Variants in IBA57 observed in about 807,000 individuals in gnomAD.
The protein encoded by IBA57 is iron-sulfur cluster assembly factor IBA57, also known as iron-sulfur cluster assembly factor IBA57, mitochondrial.
Under a neutral mutation model 20.4 loss-of-function variants are expected in IBA57, and 20 were observed. That is an observed-to-expected ratio of 0.98 (90% CI 0.69 to 1.42). The LOEUF is 1.42. Ranked by LOEUF, IBA57 falls within the 40% of genes most tolerant of loss-of-function variation. The pLI is 0.00. For missense variants in IBA57, 608 were observed against 499.3 expected, an observed-to-expected ratio of 1.22 and a Z score of -2.07; for synonymous variants, 310 against 233.9, an observed-to-expected ratio of 1.33 and a Z score of -2.97.
intron 1 of IBA57, among the ~76,000 whole-genome samples, chr1:228,166,528 G>A (rs891619514): frequency 6.6e-6 from 1 of 152,156 alleles, no homozygotes; most frequent in East Asian, 1.9e-4. Context: ...CACCTCCCAA[G>A]TGGGCCATCT....
rs1292721293 is a variant in IBA57, at chr1:228,174,897, G to T, written c.547G>T (p.Ala183Ser). Residue 183 changes from alanine to serine, a missense_variant, in exon 2 of 3, where the codon GCC becomes TCC. Physicochemically the swap from Ala to Ser is moderately conservative, Grantham distance 99 (BLOSUM62 1). Transcript: ENST00000366711. ...GCTGCAGGAGAGGGCAGGGGCTGCC[G>T]CCATCCTCATCCGCGACCCGCGAAC... ...ASLQERAGAA[A>S]ILIRDPRTAR... 2 of 1,603,610 alleles carry T rather than the reference G, an allele frequency of 1.2e-6. No homozygotes were observed. The highest frequency in any genetic ancestry group is 1.7e-6 in the Non-Finnish European group (2 of 1,175,218).
Position 228,174,815 on chromosome 1 carries a change from G to A in IBA57, c.465G>A (p.Pro155=). The A allele has an allele frequency of 5.0e-6, 8 of 1,610,526 alleles. No individual in the cohort carries two copies. Among genetic ancestry groups the A allele is most frequent in the South Asian group, 1.1e-5 (1 of 90,766 alleles). The change falls in exon 2 of 3, where the codon CCG becomes CCA. Residue 155 remains proline, a synonymous_variant. Coordinates refer to ENST00000366711, the MANE Select transcript of IBA57 (RefSeq NM_001010867.4). ...GGAAGGTCACGGTGGAGCCGCACCC[G>A]GAGCTGCGAGTGTGGGCGGTGTTGC... The part of the protein sequence containing the change: ...IRRKVTVEPH[P]ELRVWAVLPS...
rs117530284 is a variant in IBA57, at chr1:228,176,631, G to T, written c.*1118G>T. 1 of 152,430 alleles carries T rather than the reference G, an allele frequency of 6.6e-6. No homozygotes were observed. Among genetic ancestry groups the T allele is most frequent in the South Asian group, 2.1e-4 (1 of 4,834 alleles). The allele number at this position is 152,430 out of a possible 1,614,324, so 9.4% of individuals were successfully genotyped here. On this transcript the variant is annotated 3_prime_UTR_variant, in exon 3 of 3. Transcript: ENST00000366711. ...GGCTGCAGGGCGCAGGGCCTGGGGG[G>T]CAGGCGTTTGGGCCACCAAGCTGGA... is the stretch of plus-strand genomic sequence containing the variant.
In IBA57 at chr1:228,176,905, A is replaced by G. The variant is rs34686501; in HGVS notation, c.*1392A>G. The stretch of plus-strand genomic sequence containing the variant: ...CTCACCCGCTGCAGTCAGCTCTCCT[A>G]TGGGCAAGGAAACAGCTAGGTGGCC... On this transcript the variant is annotated 3_prime_UTR_variant, in exon 3 of 3. Coordinates refer to ENST00000366711, the MANE Select transcript of IBA57 (RefSeq NM_001010867.4). The G allele has an allele frequency of 7.9e-3, 1,207 of 152,622 alleles. 9 individuals are homozygous for G. Among genetic ancestry groups the G allele is most frequent in the Non-Finnish European group, 0.013 (873 of 68,260 alleles). The allele number at this position is 152,622 out of a possible 1,614,324, so 9.5% of individuals were successfully genotyped here.
At position 228,175,267 on chromosome 1, in the gene IBA57, C is replaced by T. The variant is rs144270250; in HGVS notation, c.825C>T (p.Ile275=). The T allele has an allele frequency of 2.0e-5, 33 of 1,612,766 alleles. No homozygotes were observed. The highest frequency in any genetic ancestry group is 2.5e-5 in the Non-Finnish European group (30 of 1,179,994). ...LTARTHHMGV[I]RKRLFPVRFL... is the part of the protein sequence containing the mutation. ...CCCGCACCCACCACATGGGCGTCATCCGCAAGCGCCTCTTCCCTGTCCGGT... is the reference window on the plus strand; with the variant it reads ...CCCGCACCCACCACATGGGCGTCATTCGCAAGCGCCTCTTCCCTGTCCGGT... The change falls in exon 3 of 3, where the codon ATC becomes ATT. Residue 275 remains isoleucine, a synonymous_variant. Transcript: ENST00000366711.
In IBA57 at chr1:228,175,288, C is replaced by T. The variant is rs1446349027; in HGVS notation, c.846C>T (p.Val282=). The T allele has an allele frequency of 1.2e-6, 2 of 1,612,740 alleles. No homozygotes were observed. The highest frequency in any genetic ancestry group is 2.7e-5 in the African/African-American group (2 of 74,892). The change falls in exon 3 of 3, where the codon GTC becomes GTT. Residue 282 remains valine, a synonymous_variant. Coordinates refer to ENST00000366711, the MANE Select transcript of IBA57 (RefSeq NM_001010867.4). ...TCATCCGCAAGCGCCTCTTCCCTGTCCGGTTCTTGGACCCCCTTCCCACCA... is the reference window on the plus strand; with the variant it reads ...TCATCCGCAAGCGCCTCTTCCCTGTTCGGTTCTTGGACCCCCTTCCCACCA... ...MGVIRKRLFP[V]RFLDPLPTSG...
chr1:228,175,361 G>A lies in IBA57; in HGVS notation c.919G>A (p.Val307Met). Residue 307 changes from valine (V) to methionine (M), a missense_variant, in exon 3 of 3, where the codon GTG becomes ATG. Coordinates refer to ENST00000366711, the MANE Select transcript of IBA57 (RefSeq NM_001010867.4). The part of the protein sequence containing the change: ...ATVLTASGQT[V>M]GKFRAGQGNV... ...GGTGCTGACTGCCTCAGGACAGACTGTGGGCAAGTTCAGGGCTGGCCAGGG... is the reference window on the plus strand; with the variant it reads ...GGTGCTGACTGCCTCAGGACAGACTATGGGCAAGTTCAGGGCTGGCCAGGG... 6.2e-7 allele frequency: 1 copy of A among 1,613,048 alleles called. No individual in the cohort carries two copies. Among genetic ancestry groups the A allele is most frequent in the Non-Finnish European group, 8.5e-7 (1 of 1,180,000 alleles).
Position 228,174,677 on chromosome 1 carries a change from CCT to C in IBA57, c.342-9_342-8del, listed in dbSNP as rs1558125944. ...GTTGGTGAGCTGCCATGCGCCCCTG[CCT>C]CTCTCCCTGCAGGCTCCAGGAACAC... is the stretch of plus-strand genomic sequence containing the variant. On this transcript the variant is annotated splice_polypyrimidine_tract_variant and intron_variant, in intron 1 of 2. Transcript: ENST00000366711. The C allele has an allele frequency of 2.0e-6, 3 of 1,523,978 alleles. No homozygotes were observed. In the Admixed American group the frequency reaches 5.8e-5, roughly 30 times the overall value. 94.4% of individuals were successfully genotyped at this position (1,523,978 alleles called of 1,614,324 possible).
rs183227230 is a variant in IBA57, at chr1:228,179,496, A to T, written c.*3983A>T. The T allele has an allele frequency of 7.2e-5, 11 of 152,354 alleles. No homozygotes were observed. The East Asian group carries it at 1.9e-3, about 27-fold the overall frequency. The allele number at this position is 152,354 out of a possible 1,614,324, so 9.4% of individuals were successfully genotyped here. A position where few individuals can be genotyped will look rare whatever the true frequency, so the allele number is the denominator to read the frequency against. On this transcript the variant is annotated 3_prime_UTR_variant, in exon 3 of 3. Transcript: ENST00000366711. ...AAGAAGATGGAGAGTTTAGTATGACATCCGCAATTTACGAGTAATTCCAGA... is the reference window on the plus strand; with the variant it reads ...AAGAAGATGGAGAGTTTAGTATGACTTCCGCAATTTACGAGTAATTCCAGA...
At position 228,175,250 on chromosome 1, in the gene IBA57, C is replaced by T; in HGVS notation, c.808C>T (p.His270Tyr). ...TGGCCAGGAGCTGACGGCCCGCACC[C>T]ACCACATGGGCGTCATCCGCAAGCG... Reference protein sequence around the residue: ...YIGQELTARTHHMGVIRKRLF... With the variant: ...YIGQELTARTYHMGVIRKRLF... Residue 270 changes from histidine to tyrosine, a missense_variant, in exon 3 of 3, where the codon CAC (histidine) becomes TAC (tyrosine). Coordinates refer to ENST00000366711, the MANE Select transcript of IBA57 (RefSeq NM_001010867.4). 6.2e-7 allele frequency: 1 copy of T among 1,612,870 alleles called. No homozygotes were observed. Among genetic ancestry groups the T allele is most frequent in the Non-Finnish European group, 8.5e-7 (1 of 1,179,992 alleles).
In IBA57 at chr1:228,166,080, C is replaced by G. The variant is rs13375853; in HGVS notation, c.264C>G (p.Ala88=). The G allele has an allele frequency of 5.2e-3, 7,953 of 1,537,372 alleles. 183 individuals carry two copies. In the East Asian group the frequency reaches 0.079, roughly 15 times the overall value. The change falls in exon 1 of 3, where the codon GCC becomes GCG. Residue 88 remains alanine (A), a synonymous_variant. Transcript: ENST00000366711. The part of the protein sequence containing the change: ...LPLPSPAAAG[A]PPAARAGYAH... ...TTCCGAGTCCTGCGGCCGCGGGGGC[C>G]CCGCCTGCTGCGCGCGCGGGCTACG...
chr1:228,175,462 G>A lies in IBA57; in HGVS notation c.1020G>A (p.Gln340=). 6.2e-7 allele frequency: 1 copy of A among 1,603,420 alleles called. No homozygotes were observed. Among genetic ancestry groups the A allele is most frequent in the South Asian group, 1.1e-5 (1 of 90,262 alleles). ...ACATCAGAGCCTCTGAGGGTGCCCA[G>A]GTGGCCTTAGCCGCATCTGTGCCAG... The part of the protein sequence containing the change: ...PLHIRASEGA[Q]VALAASVPDW... Residue 340 remains glutamine, a synonymous_variant, in exon 3 of 3, where the codon CAG becomes CAA. Transcript: ENST00000366711.
chr1:228,172,209 T>C (rs2034939501), intron 1 of IBA57: 1 of 152,048 alleles, frequency 6.6e-6, no homozygotes, highest in Non-Finnish European at 1.5e-5. Flanking sequence ...TTCCCCTGAT[T>C]GCACACACAG....
Position 228,175,464 on chromosome 1 carries a change from T to G in IBA57, c.1022T>G (p.Val341Gly). Residue 341 changes from valine (V) to glycine (G), a missense_variant, in exon 3 of 3, where the codon GTG becomes GGG. By Grantham distance (109) the Val-to-Gly change is moderately radical (BLOSUM62 -3). Coordinates refer to ENST00000366711, the MANE Select transcript of IBA57 (RefSeq NM_001010867.4). ...LHIRASEGAQ[V>G]ALAASVPDWW... ...ATCAGAGCCTCTGAGGGTGCCCAGG[T>G]GGCCTTAGCCGCATCTGTGCCAGAC... is the stretch of plus-strand genomic sequence containing the variant. The G allele has an allele frequency of 1.9e-6, 3 of 1,602,926 alleles. No individual in the cohort carries two copies. The highest frequency in any genetic ancestry group is 2.6e-6 in the Non-Finnish European group (3 of 1,173,532).
chr1:228,174,975 C>G lies in IBA57; in HGVS notation c.625C>G (p.Pro209Ala). The G allele has an allele frequency of 6.4e-7, 1 of 1,557,288 alleles. No homozygotes were observed. The highest frequency in any genetic ancestry group is 8.7e-7 in the Non-Finnish European group (1 of 1,149,244). ...CCAGGATGAAGGCCCAGCCCTGGTG[C>G]CCGGGGGCCGGCTCGGGGACTTGTG... ...LTQDEGPALV[P>A]GGRLGDLWDY... Residue 209 changes from proline (P) to alanine (A), a missense_variant, in exon 2 of 3, where the codon CCC becomes GCC. Pro to Ala is a conservative substitution (Grantham distance 27). Coordinates refer to ENST00000366711, the MANE Select transcript of IBA57 (RefSeq NM_001010867.4).
rs1416798319 is a variant in IBA57, at chr1:228,174,795, G to A, written c.445G>A (p.Val149Ile). The stretch of plus-strand genomic sequence containing the variant: ...CGCGCTATACAGGATCCGGCGGAAG[G>A]TCACGGTGGAGCCGCACCCGGAGCT... ...HLALYRIRRK[V>I]TVEPHPELRV... Residue 149 changes from valine (V) to isoleucine (I), a missense_variant, in exon 2 of 3, where the codon GTC (valine) becomes ATC (isoleucine). Physicochemically the swap from Val to Ile is conservative, Grantham distance 29. Coordinates refer to ENST00000366711, the MANE Select transcript of IBA57 (RefSeq NM_001010867.4). The A allele has an allele frequency of 6.2e-7, 1 of 1,611,012 alleles. No individual in the cohort carries two copies. The highest frequency in any genetic ancestry group is 8.5e-7 in the Non-Finnish European group (1 of 1,179,590).
Position 228,178,437 on chromosome 1 carries a change from C to T in IBA57, c.*2924C>T, listed in dbSNP as rs1186160023. 1 of 151,616 alleles carries T rather than the reference C, an allele frequency of 6.6e-6. No individual in the cohort carries two copies. Among genetic ancestry groups the T allele is most frequent in the Non-Finnish European group, 1.5e-5 (1 of 68,008 alleles). 9.4% of individuals were successfully genotyped at this position (151,616 alleles called of 1,614,324 possible). A position where few individuals can be genotyped will look rare whatever the true frequency, so the allele number is the denominator to read the frequency against. ...GTCTCTTAAAAAAAAAAAAATTAGC[C>T]AGGCATGGTGGTCCACACCTGTGGT... On this transcript the variant is annotated 3_prime_UTR_variant, in exon 3 of 3. Coordinates refer to ENST00000366711, the MANE Select transcript of IBA57 (RefSeq NM_001010867.4).
In IBA57 at chr1:228,177,467, C is replaced by G. The variant is rs773449092; in HGVS notation, c.*1954C>G. 4 of 143,310 alleles carry G rather than the reference C, an allele frequency of 2.8e-5. No individual in the cohort carries two copies. Among genetic ancestry groups the G allele is most frequent in the Non-Finnish European group, 4.5e-5 (3 of 66,318 alleles). The allele number at this position is 143,310 out of a possible 1,614,324, so 8.9% of individuals were successfully genotyped here. On this transcript the variant is annotated 3_prime_UTR_variant, in exon 3 of 3. Transcript: ENST00000366711. ...TACTTGGTTCAGATCAAACACATTT[C>G]GTGTTCTTCTGTGTCCTTTTTTTTT... is the stretch of plus-strand genomic sequence containing the variant.
Position 228,179,122 on chromosome 1 carries a change from C to T in IBA57, c.*3609C>T, listed in dbSNP as rs12734566. On this transcript the variant is annotated 3_prime_UTR_variant, in exon 3 of 3. Transcript: ENST00000366711. ...TTTTTTTTTGAGATACCAAAACATC[C>T]TAAGGTACAGGAAAGAAATTGTCAA... is the stretch of plus-strand genomic sequence containing the variant. The T allele has an allele frequency of 6.6e-6, 1 of 151,498 alleles. No individual in the cohort carries two copies. Among genetic ancestry groups the T allele is most frequent in the African/African-American group, 2.4e-5 (1 of 41,222 alleles). The allele number at this position is 151,498 out of a possible 1,614,324, so 9.4% of individuals were successfully genotyped here. A position where few individuals can be genotyped will look rare whatever the true frequency, so the allele number is the denominator to read the frequency against.
Sources: allele counts gnomAD v4.1 joint callset (sites outside exome capture counted in the v4.1 genomes callset), GRCh38; gene constraint gnomAD v4.1.1; transcripts MANE v1.5; gene names NCBI Gene and HGNC (gene_info 2026-07-23, HGNC 2026-07-21).